Variants in IPO11 observed in about 807,000 individuals in gnomAD.
The protein encoded by IPO11 is importin-11.
A neutral mutation model predicts 143.2 loss-of-function variants in IPO11; 66 were observed. That is an observed-to-expected ratio of 0.46 (90% CI 0.38 to 0.57). The LOEUF (loss-of-function observed/expected upper bound fraction) is 0.57, where lower values mean the gene tolerates loss of function less well. IPO11 is among the 20% of genes least tolerant of loss of function. The probability of loss-of-function intolerance (pLI) is 0.00; values close to 1 mark genes in which losing one functional copy is unlikely to be tolerated. For missense variants in IPO11, 1,026 were observed against 1,141.0 expected, an observed-to-expected ratio of 0.90 and a Z score of 1.45; for synonymous variants, 385 against 377.8, an observed-to-expected ratio of 1.02 and a Z score of -0.22.
At chr5:62,477,707 A>G (rs1171761637) in intron 9 of IPO11, among the ~76,000 whole-genome samples, 3 of 152,240 alleles carry the variant, frequency 2.0e-5, no homozygotes, top group Non-Finnish European at 2.9e-5. Context: ...CCTACTCACT[A>G]TATCAGTTAC....
chr5:62,585,346 C>T (rs914065799), intron 27 of IPO11, among the ~76,000 whole-genome samples: 1 of 152,138 alleles, frequency 6.6e-6, no homozygotes, highest in African/African-American at 2.4e-5. Flanking sequence ...GAATCAGGAC[C>T]ATACCTGCAG....
intron 5 of IPO11, among the ~76,000 whole-genome samples, chr5:62,452,723 GGTGTGTGTGTGTGTGT>G (rs57057274): frequency 3.0e-5 from 4 of 135,444 alleles, no homozygotes; most frequent in South Asian, 2.4e-4. Context: ...TTTTTGGTGG[GGTGTGTGTGTGTGTGT>G]GTGTGTGTGT....
chr5:62,441,550 T>C (rs1218106089), intron 2 of IPO11, among the ~76,000 whole-genome samples: 1 of 139,442 alleles, frequency 7.2e-6, no homozygotes, highest in East Asian at 2.2e-4. Flanking sequence ...AGTTTTGCTC[T>C]TGTTGCCCAG....
At chr5:62,545,134 T>C (rs1743117329) in intron 24 of IPO11, among the ~76,000 whole-genome samples, 1 of 152,190 alleles carries the variant, frequency 6.6e-6, no homozygotes. Context: ...AGAGCCTGCA[T>C]TGCCAAGACA....
At chr5:62,591,394 A>C (rs887329820) in intron 27 of IPO11, among the ~76,000 whole-genome samples, 183 bp from the exon 28 acceptor site, 5 of 152,156 alleles carry the variant, frequency 3.3e-5, no homozygotes, top group Admixed American at 6.5e-5. Flanking sequence ...ATTAGTGAAA[A>C]AGAATTTTGT....
At chr5:62,494,824 A>G (rs979571041) in intron 16 of IPO11, among the ~76,000 whole-genome samples, 3 of 151,828 alleles carry the variant, frequency 2.0e-5, no homozygotes, top group East Asian at 1.9e-4. Context: ...CTGATTTTCA[A>G]TTTGTTTTAG....
At chr5:62,490,303 C>A in intron 15 of IPO11, 83 bp downstream of exon 15, 1 of 832,838 alleles carries the variant, frequency 1.2e-6, no homozygotes, top group Non-Finnish European at 1.8e-6. Context: ...ATTAAAATGG[C>A]TTACAATTTA....
At chr5:62,458,786 C>T (rs1745252655) in intron 5 of IPO11, among the ~76,000 whole-genome samples, 1 of 151,990 alleles carries the variant, frequency 6.6e-6, no homozygotes, top group African/African-American at 2.4e-5. Context: ...AGACTTGGTT[C>T]AAAAGAAAAG....
intron 1 of IPO11, among the ~76,000 whole-genome samples, chr5:62,415,005 G>A (rs1358185000): frequency 6.6e-6 from 1 of 152,118 alleles, no homozygotes; most frequent in Non-Finnish European, 1.5e-5. Context: ...GCTGGTTACT[G>A]TCAGAGCTTG....
intron 29 of IPO11, among the ~76,000 whole-genome samples, chr5:62,617,188 A>G (rs754298842): frequency 6.6e-6 from 1 of 152,222 alleles, no homozygotes; most frequent in Non-Finnish European, 1.5e-5. Context: ...ACTTGTTCAG[A>G]TTTCTCAGTC....
intron 2 of IPO11, among the ~76,000 whole-genome samples, chr5:62,440,036 TCC>T (rs1159573457): frequency 3.3e-5 from 5 of 152,312 alleles, no homozygotes; most frequent in African/African-American, 1.2e-4. Flanking sequence ...CCACATTACT[TCC>T]ATTCGTTCAC....
chr5:62,513,170 G>A (rs1173329037), intron 19 of IPO11, among the ~76,000 whole-genome samples: 71 of 151,376 alleles, frequency 4.7e-4, no homozygotes, highest in Middle Eastern at 3.4e-3. Flanking sequence ...GCCGGGCAGA[G>A]GCGCCCCTCA....
At chr5:62,587,436 C>T (rs1359934782) in intron 27 of IPO11, among the ~76,000 whole-genome samples, 1 of 151,550 alleles carries the variant, frequency 6.6e-6, no homozygotes, top group Admixed American at 6.6e-5. Flanking sequence ...ATTTAAACGA[C>T]AAAAGTATTT....
intron 24 of IPO11, among the ~76,000 whole-genome samples, chr5:62,544,443 A>G (rs1019972548): frequency 2.6e-5 from 4 of 152,238 alleles, no homozygotes; most frequent in Non-Finnish European, 5.9e-5. Flanking sequence ...TATTGATGGG[A>G]TGTATCTCAG....
Position 62,591,624 on chromosome 5 carries a change from G to A in IPO11, c.2630G>A (p.Gly877Asp). ...FCGIINISVE[G>D]LHDVMTEDPE... ...GGGATTATAAACATTTCAGTAGAAG[G>A]CCTGCATGATGTCATGACGGAAGAT... The change falls in exon 28 of 30, where the codon GGC becomes GAC. Residue 877 changes from glycine (G) to aspartate (D), a missense_variant. Physicochemically the swap from Gly to Asp is moderately conservative, Grantham distance 94. Coordinates refer to ENST00000325324, the MANE Select transcript of IPO11 (RefSeq NM_016338.5). 6.2e-7 allele frequency: 1 copy of A among 1,609,014 alleles called. No individual in the cohort carries two copies. Among genetic ancestry groups the A allele is most frequent in the Non-Finnish European group, 8.5e-7 (1 of 1,178,084 alleles).
At chr5:62,487,730 G>A (rs1353238289) in intron 12 of IPO11, 41 bp from the exon 13 acceptor site, 4 of 1,503,706 alleles carry the variant, frequency 2.7e-6, no homozygotes, top group Admixed American at 2.2e-5. Flanking sequence ...AATATAGTAT[G>A]CAACTGTTTT....
chr5:62,536,832 A>T (rs1645724854), intron 23 of IPO11, 51 bp downstream of exon 23: 1 of 1,387,934 alleles, frequency 7.2e-7, no homozygotes, highest in African/African-American at 1.5e-5. Flanking sequence ...TATTATTTTG[A>T]TTATTATTTG....
chr5:62,589,383 C>G (rs1287179294), intron 27 of IPO11, among the ~76,000 whole-genome samples: 1 of 152,150 alleles, frequency 6.6e-6, no homozygotes. Flanking sequence ...CTTCTTATGT[C>G]TTTGCTCTCT....
At chr5:62,453,923 A>G (rs907534030) in intron 5 of IPO11, among the ~76,000 whole-genome samples, 1 of 152,074 alleles carries the variant, frequency 6.6e-6, no homozygotes. Flanking sequence ...TCATGAGGTC[A>G]GGAGATCGAG....
Sources: allele counts gnomAD v4.1 joint callset (sites outside exome capture counted in the v4.1 genomes callset), GRCh38; gene constraint gnomAD v4.1.1; transcripts MANE v1.5; gene names NCBI Gene and HGNC (gene_info 2026-07-23, HGNC 2026-07-21).